The following DSCAM variants were observed in gnomAD, a reference collection of about 807,000 sequenced individuals.
DSCAM encodes the protein DS cell adhesion molecule, also known as cell adhesion molecule DSCAM.
A neutral mutation model predicts 217.7 loss-of-function variants in DSCAM; 47 were observed. That is an observed-to-expected ratio of 0.22 (90% CI 0.17 to 0.28). DSCAM has a LOEUF of 0.28. Ranked by LOEUF, DSCAM falls within the 10% of genes least tolerant of loss-of-function variation. DSCAM has a pLI of 1.00. For synonymous variants in DSCAM, 1,056 were observed against 1,015.3 expected (o/e 1.04, Z -0.76); for missense variants, 2,080 against 2,618.3 (o/e 0.79, Z 4.49).
chr21:40,697,805 G>T (rs1449764043), intron 2 of DSCAM, among the ~76,000 whole-genome samples: 3 of 152,114 alleles, frequency 2.0e-5, no homozygotes, highest in Non-Finnish European at 4.4e-5. Flanking sequence ...GCTCAGGATT[G>T]CTTTAGCATT....
chr21:40,832,103 A>C (rs559609882), intron 1 of DSCAM, among the ~76,000 whole-genome samples: 4 of 152,190 alleles, frequency 2.6e-5, no homozygotes, highest in Non-Finnish European at 4.4e-5. Context: ...GTAAAACTGA[A>C]ATTAAAAATA....
chr21:40,675,748 C>A (rs2090330517), intron 3 of DSCAM, among the ~76,000 whole-genome samples: 1 of 152,154 alleles, frequency 6.6e-6, no homozygotes, highest in African/African-American at 2.4e-5. Context: ...TTTTACTGAA[C>A]CTTCACAGAG....
intron 3 of DSCAM, among the ~76,000 whole-genome samples, chr21:40,374,382 A>G (rs2074929475): frequency 6.6e-6 from 1 of 152,206 alleles, no homozygotes; most frequent in Non-Finnish European, 1.5e-5. Context: ...TTGTTTGCTT[A>G]CTTATGAAAG....
intron 3 of DSCAM, among the ~76,000 whole-genome samples, chr21:40,497,955 A>G (rs978436077): frequency 6.6e-6 from 1 of 152,362 alleles, no homozygotes; most frequent in South Asian, 2.1e-4. Flanking sequence ...AATATGAAGT[A>G]CTGGATTTCG....
intron 1 of DSCAM, among the ~76,000 whole-genome samples, chr21:40,793,286 G>C (rs566589019): frequency 4.6e-5 from 7 of 152,088 alleles, no homozygotes; most frequent in Non-Finnish European, 8.8e-5. Context: ...GTTTAGACTG[G>C]ACATACAAAA....
intron 1 of DSCAM, among the ~76,000 whole-genome samples, chr21:40,728,093 G>C (rs909233126): frequency 6.6e-6 from 1 of 152,062 alleles, no homozygotes; most frequent in South Asian, 2.1e-4. Flanking sequence ...CTACTGCAGC[G>C]CCCCCTCCGA....
chr21:40,746,647 G>A (rs1194410412), intron 1 of DSCAM, among the ~76,000 whole-genome samples: 1 of 151,784 alleles, frequency 6.6e-6, no homozygotes, highest in African/African-American at 2.4e-5. Context: ...CCTACTTTCA[G>A]CAATGGAAAG....
At chr21:40,382,594 C>T (rs2075037928) in intron 3 of DSCAM, among the ~76,000 whole-genome samples, 1 of 152,176 alleles carries the variant, frequency 6.6e-6, no homozygotes, top group Non-Finnish European at 1.5e-5. Context: ...GCTATCCATA[C>T]AAATGTACAT....
At chr21:40,063,890 C>T (rs971593042) in intron 27 of DSCAM, among the ~76,000 whole-genome samples, 4 of 152,162 alleles carry the variant, frequency 2.6e-5, no homozygotes, top group East Asian at 1.9e-4. Flanking sequence ...AAGCTTAGTT[C>T]GTTAAGTTGG....
In DSCAM at chr21:40,554,850, C is replaced by T. The variant is rs550673173; in HGVS notation, c.508+137960G>A. On this transcript the variant is annotated intron_variant, in intron 3 of 32. Transcript: ENST00000400454. ...TTTTTGTAACCACCAACATGTTGTA[C>T]TGGAATTTAACACTTGACACATGGT... Among the ~76,000 whole-genome samples, 44 of 152,102 alleles carry T rather than the reference C, an allele frequency of 2.9e-4. 1 individual carries two copies. In the South Asian group the frequency reaches 8.7e-3, roughly 30 times the overall value.
chr21:40,334,877 G>A (rs2074414176), intron 8 of DSCAM, among the ~76,000 whole-genome samples: 1 of 151,546 alleles, frequency 6.6e-6, no homozygotes, highest in African/African-American at 2.4e-5. Flanking sequence ...ATCCAATAAA[G>A]CCCCCATCTC....
intron 3 of DSCAM, among the ~76,000 whole-genome samples, chr21:40,393,357 T>C (rs552799167): frequency 6.6e-6 from 1 of 152,314 alleles, no homozygotes; most frequent in East Asian, 1.9e-4. Flanking sequence ...TTCATTAAGA[T>C]TTAAACATGA....
intron 1 of DSCAM, among the ~76,000 whole-genome samples, chr21:40,775,364 C>G (rs1569030578): frequency 6.6e-6 from 1 of 152,092 alleles, no homozygotes; most frequent in Non-Finnish European, 1.5e-5. Context: ...TGAAGGAATA[C>G]CTAGAAACCT....
chr21:40,803,302 G>C (rs917545220), intron 1 of DSCAM, among the ~76,000 whole-genome samples: 1 of 152,102 alleles, frequency 6.6e-6, no homozygotes, highest in Non-Finnish European at 1.5e-5. Context: ...GCCTCTGTTT[G>C]CCAAGAAGGC....
chr21:40,451,453 T>G (rs1357391713), intron 3 of DSCAM, among the ~76,000 whole-genome samples: 1 of 152,170 alleles, frequency 6.6e-6, no homozygotes, highest in African/African-American at 2.4e-5. Context: ...CATGAGATAA[T>G]TGAGTGTTTC....
At chr21:40,457,137 T>G (rs1200595446) in intron 3 of DSCAM, among the ~76,000 whole-genome samples, 1 of 152,032 alleles carries the variant, frequency 6.6e-6, no homozygotes. Flanking sequence ...TATAACCAAG[T>G]TAATTTGGGG....
At chr21:40,597,675 T>A (rs2077032326) in intron 3 of DSCAM, among the ~76,000 whole-genome samples, 1 of 151,742 alleles carries the variant, frequency 6.6e-6, no homozygotes. Context: ...CCCAGCTAAT[T>A]TTTTGTGTTT....
chr21:40,382,622 C>T (rs1045616120), intron 3 of DSCAM, among the ~76,000 whole-genome samples: 1 of 152,184 alleles, frequency 6.6e-6, no homozygotes, highest in African/African-American at 2.4e-5. Context: ...TGTATACTTA[C>T]AAGAACACGC....
Position 40,295,183 on chromosome 21 carries a change from GA to G in DSCAM, c.2182+871del, listed in dbSNP as rs78265167. ...CTAGATACTAGGTCTTAGGTTATTG[GA>G]AAAAAAAAAAGGTCATGATTGACTG... On this transcript the variant is annotated intron_variant, in intron 10 of 32. Coordinates refer to ENST00000400454, the MANE Select transcript of DSCAM (RefSeq NM_001389.5). Among the ~76,000 whole-genome samples, 903 of 142,082 alleles carry G rather than the reference GA, an allele frequency of 6.4e-3. 18 individuals carry two copies. The East Asian group carries it at 0.074, about 12-fold the overall frequency. 93.2% of individuals were successfully genotyped at this position (142,082 alleles called of 152,430 possible). A position where few individuals can be genotyped will look rare whatever the true frequency, so the allele number is the denominator to read the frequency against.
Sources: gnomAD v4.1 joint callset for allele counts (sites outside exome capture counted in the v4.1 genomes callset) on GRCh38, gnomAD v4.1.1 for gene constraint, MANE v1.5 for transcripts, NCBI Gene and HGNC (gene_info 2026-07-23, HGNC 2026-07-21) for gene names.